PUS10: variants seen among roughly 807,000 people sequenced by gnomAD.
PUS10 encodes the protein pseudouridine synthase 10.
PUS10 carries 59 observed loss-of-function variants against 75.0 expected under a neutral mutation model. That is an observed-to-expected ratio of 0.79 (90% CI 0.64 to 0.98). PUS10 has a LOEUF of 0.98. Among genes scored for constraint, PUS10 ranks in the 50% least tolerant of loss-of-function variants. The pLI is 0.00. For missense variants in PUS10, 650 were observed against 614.4 expected, an observed-to-expected ratio of 1.06 and a Z score of -0.61; for synonymous variants, 219 against 211.6, an observed-to-expected ratio of 1.03 and a Z score of -0.30.
intron 4 of PUS10, among the ~76,000 whole-genome samples, chr2:60,992,337 T>C (rs1460398997): frequency 6.6e-6 from 1 of 152,128 alleles, no homozygotes; most frequent in African/African-American, 2.4e-5. Context: ...AATACATGTC[T>C]ACATTTAAAA....
chr2:60,953,853 G>A, intron 14 of PUS10, 80 bp downstream of exon 14: 1 of 1,018,944 alleles, frequency 9.8e-7, no homozygotes, highest in African/African-American at 1.6e-5. Flanking sequence ...ATATATTCTG[G>A]ATGCAATTCC....
intron 4 of PUS10, among the ~76,000 whole-genome samples, chr2:60,984,048 T>C (rs1296207102): frequency 6.6e-6 from 1 of 152,002 alleles, no homozygotes; most frequent in African/African-American, 2.4e-5. Flanking sequence ...CACATAGGAA[T>C]AAATAAATGT....
At position 60,948,174 on chromosome 2, in the gene PUS10, G is replaced by A; in HGVS notation, c.1320C>T (p.Ile440=). 1 of 1,614,038 alleles carries A rather than the reference G, an allele frequency of 6.2e-7. No homozygotes were observed. The highest frequency in any genetic ancestry group is 8.5e-7 in the Non-Finnish European group (1 of 1,179,970). ...EFLNDIKDLK[I]DQKTPLRVLH... ...GGACGCGCAAAGGTGTTTTCTGGTC[G>A]ATTTTTAAGTCCTAGGGGAGAATAT... is the stretch of plus-strand genomic sequence containing the variant. The change falls in exon 16 of 18, where the codon ATC becomes ATT. Residue 440 remains isoleucine, a synonymous_variant. Coordinates refer to ENST00000316752, the MANE Select transcript of PUS10 (RefSeq NM_144709.4).
At chr2:61,009,052 G>T in intron 2 of PUS10, 37 bp from the exon 3 acceptor site, 2 of 1,571,822 alleles carry the variant, frequency 1.3e-6, no homozygotes, top group South Asian at 2.4e-5. Context: ...ATGACCCACT[G>T]ACAATGTCCT....
At chr2:60,998,886 A>C (rs1349757104) in intron 4 of PUS10, 3 of 152,308 alleles carry the variant, frequency 2.0e-5, no homozygotes, top group Admixed American at 2.0e-4. Flanking sequence ...AGGGTCATGT[A>C]TAATTTGTAG....
chr2:60,942,170 G>A lies in PUS10; in HGVS notation c.*225C>T. On this transcript the variant is annotated 3_prime_UTR_variant, in exon 18 of 18. Coordinates refer to ENST00000316752, the MANE Select transcript of PUS10 (RefSeq NM_144709.4). ...TAGTTTGGTTTGTGGGGGTGAAAGA[G>A]GGAATGAGAAAAATCCTAAGACATC... is the stretch of plus-strand genomic sequence containing the variant. 1 of 475,328 alleles carries A rather than the reference G, an allele frequency of 2.1e-6. No individual in the cohort carries two copies. The highest frequency in any genetic ancestry group is 2.0e-5 in the African/African-American group (1 of 50,502). The allele number at this position is 475,328 out of a possible 1,614,324, so 29.4% of individuals were successfully genotyped here.
chr2:60,981,707 C>T (rs1017375184), intron 4 of PUS10, among the ~76,000 whole-genome samples: 2 of 152,120 alleles, frequency 1.3e-5, no homozygotes, highest in African/African-American at 4.8e-5. Context: ...AAAACTGATG[C>T]TGTGGTACAT....
intron 4 of PUS10, among the ~76,000 whole-genome samples, chr2:60,973,443 G>A (rs1348484365): frequency 4.6e-5 from 7 of 152,242 alleles, no homozygotes; most frequent in Non-Finnish European, 1.0e-4. Flanking sequence ...CACCAATCTC[G>A]GAGAAGGGTT....
chr2:60,945,150 C>T, intron 16 of PUS10, 42 bp from the exon 17 acceptor site: 1 of 1,252,872 alleles, frequency 8.0e-7, no homozygotes. Flanking sequence ...GCATGCTGTA[C>T]CAACTATTTG....
intron 4 of PUS10, among the ~76,000 whole-genome samples, chr2:60,977,831 T>C (rs1229043968): frequency 6.6e-6 from 1 of 152,160 alleles, no homozygotes; most frequent in Non-Finnish European, 1.5e-5. Context: ...TCTCTGGGTT[T>C]CTCAAACCGT....
chr2:60,994,835 T>G (rs1214093396), intron 4 of PUS10, among the ~76,000 whole-genome samples: 26 of 152,182 alleles, frequency 1.7e-4, no homozygotes, highest in Admixed American at 1.7e-3. Context: ...ACGCCTATAA[T>G]CCCAGCATTT....
intron 10 of PUS10, among the ~76,000 whole-genome samples, chr2:60,961,006 C>A (rs1331485966): frequency 6.6e-6 from 1 of 152,142 alleles, no homozygotes; most frequent in African/African-American, 2.4e-5. Context: ...AACTTTCAAA[C>A]AAAAATTTGT....
rs778986320 is a variant in PUS10 at position 60,945,052 on chromosome 2, G to C, written c.1508C>G (p.Ser503Cys). 1.2e-6 allele frequency: 2 copies of C among 1,614,042 alleles called. No individual in the cohort carries two copies. Among genetic ancestry groups the C allele is most frequent in the Admixed American group, 3.3e-5 (2 of 60,016 alleles). Residue 503 changes from serine (S) to cysteine (C), a missense_variant, in exon 17 of 18, where the codon TCC becomes TGC. Ser to Cys is a moderately radical substitution (Grantham distance 112). Coordinates refer to ENST00000316752, the MANE Select transcript of PUS10 (RefSeq NM_144709.4). Reference sequence around the variant, plus strand: ...AATGTCTGCAGTCACATTCATCAGGGACCCAATGTTTGGCTTGGTTCTCCC... The same window carrying C: ...AATGTCTGCAGTCACATTCATCAGGCACCCAATGTTTGGCTTGGTTCTCCC... ...DFGRTKPNIG[S>C]LMNVTADILE... is the part of the protein sequence containing the mutation.
At chr2:60,960,603 A>T in intron 10 of PUS10, 86 bp from the exon 11 acceptor site, 1 of 1,275,044 alleles carries the variant, frequency 7.8e-7, no homozygotes, top group Non-Finnish European at 1.1e-6. Context: ...TATAAGGGCC[A>T]ATATCCTAAG....
At chr2:60,977,086 G>A (rs921486213) in intron 4 of PUS10, among the ~76,000 whole-genome samples, 2 of 152,144 alleles carry the variant, frequency 1.3e-5, no homozygotes, top group African/African-American at 4.8e-5. Flanking sequence ...TTGCTAAAGT[G>A]CTTGTGTACT....
intron 4 of PUS10, among the ~76,000 whole-genome samples, chr2:60,987,615 A>G (rs1677802013): frequency 6.6e-6 from 1 of 152,224 alleles, no homozygotes; most frequent in Non-Finnish European, 1.5e-5. Flanking sequence ...AATTGTGTAC[A>G]GTATGATATA....
intron 6 of PUS10, 64 bp from the exon 7 acceptor site, chr2:60,965,548 T>TTTCTATTTCCATTAATAA: frequency 8.8e-7 from 1 of 1,138,100 alleles, no homozygotes; most frequent in Non-Finnish European, 1.3e-6. Flanking sequence ...AACTTATTAA[T>TTTCTATTTCCATTAATAA]GGAAATAGAA....
chr2:60,996,471 T>C (rs1404532937), intron 4 of PUS10, among the ~76,000 whole-genome samples: 1 of 152,140 alleles, frequency 6.6e-6, no homozygotes, highest in African/African-American at 2.4e-5. Flanking sequence ...TTCTGACCTT[T>C]AGTGATGTTC....
intron 5 of PUS10, among the ~76,000 whole-genome samples, chr2:60,968,137 A>G (rs2104391711): frequency 6.6e-6 from 1 of 152,302 alleles, no homozygotes; most frequent in East Asian, 1.9e-4. Flanking sequence ...ATGTTCTGAA[A>G]TGCTCATCAA....
Sources: allele counts gnomAD v4.1 joint callset (sites outside exome capture counted in the v4.1 genomes callset), GRCh38; gene constraint gnomAD v4.1.1; transcripts MANE v1.5; gene names NCBI Gene and HGNC (gene_info 2026-07-23, HGNC 2026-07-21).